Variants in ABCA12 observed in about 807,000 individuals in gnomAD.
ABCA12 encodes glucosylceramide transporter ABCA12.
Under a neutral mutation model 293.5 loss-of-function variants are expected in ABCA12, and 156 were observed. The ratio of observed to expected loss-of-function variants is 0.53; its 90% CI spans 0.47 to 0.61. The LOEUF (loss-of-function observed/expected upper bound fraction) is 0.61, where lower values mean the gene tolerates loss of function less well. ABCA12 is among the 20% of genes least tolerant of loss of function. ABCA12 has a pLI of 0.00. For synonymous variants in ABCA12, 1,063 were observed against 1,108.0 expected (o/e 0.96, Z 0.81); for missense variants, 2,797 against 3,090.2 (o/e 0.91, Z 2.25).
At chr2:215,035,367 C>T (rs1163079737) in intron 8 of ABCA12, among the ~76,000 whole-genome samples, 4 of 152,060 alleles carry the variant, frequency 2.6e-5, no homozygotes, top group Middle Eastern at 3.2e-3. Flanking sequence ...CATCCAATGA[C>T]GTGTTTTAAG....
intron 17 of ABCA12, 97 bp from the exon 18 acceptor site, chr2:215,010,567 A>T: frequency 7.5e-7 from 1 of 1,342,200 alleles, no homozygotes; most frequent in East Asian, 2.5e-5. Flanking sequence ...CACACCCAAA[A>T]ATACATGCTC....
At chr2:215,106,952 G>A (rs1190183566) in intron 2 of ABCA12, among the ~76,000 whole-genome samples, 1 of 152,164 alleles carries the variant, frequency 6.6e-6, no homozygotes. Flanking sequence ...TCCGCAGAGG[G>A]CCCAGGAGTG....
chr2:214,953,896 G>A lies in ABCA12; in HGVS notation c.6605C>T (p.Ser2202Phe). The change falls in exon 44 of 53, where the codon TCC becomes TTC. Residue 2202 changes from serine (S) to phenylalanine (F), a missense_variant. By Grantham distance (155) the Ser-to-Phe change is radical. Transcript: ENST00000272895. ...ALVSQGTMFFSLRLLINESLI... is the reference protein window; with the variant it reads ...ALVSQGTMFFFLRLLINESLI... ...GGATTCGTTGATTAAGAGTCGCAAG[G>A]AAAAAAACATGGTGCCCTGAGAAAC... 1 of 1,613,750 alleles carries A rather than the reference G, an allele frequency of 6.2e-7. No individual in the cohort carries two copies. The highest frequency in any genetic ancestry group is 8.5e-7 in the Non-Finnish European group (1 of 1,179,902).
intron 1 of ABCA12, among the ~76,000 whole-genome samples, chr2:215,120,797 C>A (rs1170509933): frequency 6.6e-6 from 1 of 152,138 alleles, no homozygotes; most frequent in Non-Finnish European, 1.5e-5. Flanking sequence ...AAGGTGAAAT[C>A]TTTCTTCCCG....
intron 1 of ABCA12, among the ~76,000 whole-genome samples, chr2:215,135,852 C>T (rs572171671): frequency 9.9e-5 from 15 of 152,280 alleles, no homozygotes; most frequent in African/African-American, 2.4e-4. Context: ...CCTTCCCACA[C>T]GTGTCTTCAA....
intron 1 of ABCA12, among the ~76,000 whole-genome samples, chr2:215,124,529 G>T (rs111380593): frequency 0.082 from 12,449 of 152,060 alleles, 1,156 homozygotes; most frequent in African/African-American, 0.23. Context: ...CATTGTGGTT[G>T]TGATTTGCAT....
intron 37 of ABCA12, among the ~76,000 whole-genome samples, 185 bp downstream of exon 37, chr2:214,970,088 T>C (rs1699352756): frequency 6.6e-6 from 1 of 152,094 alleles, no homozygotes; most frequent in Admixed American, 6.6e-5. Context: ...GGTTTTCCAT[T>C]TGCTCAAATA....
chr2:215,113,539 C>T (rs980285649), intron 1 of ABCA12, among the ~76,000 whole-genome samples: 1 of 152,132 alleles, frequency 6.6e-6, no homozygotes, highest in African/African-American at 2.4e-5. Flanking sequence ...GATGCTGATG[C>T]AGCTGGTCCA....
chr2:215,086,494 T>C (rs1335499077), intron 2 of ABCA12, among the ~76,000 whole-genome samples: 1 of 152,154 alleles, frequency 6.6e-6, no homozygotes, highest in African/African-American at 2.4e-5. Context: ...AAATGAAAAG[T>C]AGTCAGTTAA....
intron 3 of ABCA12, among the ~76,000 whole-genome samples, chr2:215,063,476 T>A (rs10932588): frequency 1.3e-5 from 2 of 152,090 alleles, no homozygotes; most frequent in South Asian, 4.1e-4. Context: ...AAGTTGTAAA[T>A]GGTCAGGTTG....
chr2:214,956,992 A>G (rs1319935883), intron 41 of ABCA12, among the ~76,000 whole-genome samples: 3 of 152,212 alleles, frequency 2.0e-5, no homozygotes, highest in East Asian at 3.8e-4. Context: ...GGTTAAGCCA[A>G]TCTCCATCTT....
Position 214,954,213 on chromosome 2 carries a change from A to T in ABCA12, c.6394-106T>A, listed in dbSNP as rs1351193938. On this transcript the variant is annotated intron_variant, in intron 43 of 52. Transcript: ENST00000272895. ...ACAAATAGTGAAACCTAAAAAGCTT[A>T]TCTAGATTGGCAATTATTTCCCATA... 7.3e-6 allele frequency: 9 copies of T among 1,237,140 alleles called. No individual in the cohort carries two copies. In the Admixed American group the frequency reaches 1.5e-4, roughly 21 times the overall value. 76.6% of individuals were successfully genotyped at this position (1,237,140 alleles called of 1,614,324 possible). A position where few individuals can be genotyped will look rare whatever the true frequency, so the allele number is the denominator to read the frequency against.
Position 215,047,511 on chromosome 2 carries a change from T to C in ABCA12, c.694-1496A>G, listed in dbSNP as rs118105344. Among the ~76,000 whole-genome samples, 180 of 151,830 alleles carry C rather than the reference T, an allele frequency of 1.2e-3. 1 individual carries two copies. The East Asian group carries it at 0.016, about 13-fold the overall frequency. On this transcript the variant is annotated intron_variant, in intron 6 of 52. Transcript: ENST00000272895. The stretch of plus-strand genomic sequence containing the variant: ...ACAACCATCTGATCTTCAACAGAGG[T>C]GACAAAAACAAGCCATGGGGAAAGA...
intron 23 of ABCA12, among the ~76,000 whole-genome samples, chr2:214,997,093 A>T (rs1980845): frequency 0.36 from 54,944 of 152,050 alleles, 12,371 homozygotes; most frequent in Non-Finnish European, 0.5. Flanking sequence ...GCCCAGAAAG[A>T]GGTCATGCAT....
At position 215,138,264 on chromosome 2, in the gene ABCA12, A is replaced by C. The variant is rs1317464938; in HGVS notation, c.-56T>G. ...CTTCTTTTCTCCACTCCACAAATGA[A>C]GAACTGATGCCCCGTCCAACTTGCT... On this transcript the variant is annotated 5_prime_UTR_variant, in exon 1 of 53. Transcript: ENST00000272895. 1 of 1,578,496 alleles carries C rather than the reference A, an allele frequency of 6.3e-7. No individual in the cohort carries two copies. The highest frequency in any genetic ancestry group is 1.3e-5 in the African/African-American group (1 of 74,150).
In ABCA12 at chr2:215,093,949, T is replaced by C. The variant is rs575430842; in HGVS notation, c.163+17648A>G. On this transcript the variant is annotated intron_variant, in intron 2 of 52. Coordinates refer to ENST00000272895, the MANE Select transcript of ABCA12 (RefSeq NM_173076.3). ...ACCCTGATCACACTTGGTTTATTGA[T>C]GGCAGTTCCACCAGGCCTAATAGCT... Among the ~76,000 whole-genome samples the C allele has an allele frequency of 5.9e-5, 9 of 152,296 alleles. No homozygotes were observed. In the East Asian group the frequency reaches 1.7e-3, roughly 29 times the overall value.
chr2:215,065,283 T>C (rs1417197816), intron 2 of ABCA12, among the ~76,000 whole-genome samples: 2 of 60,290 alleles, frequency 3.3e-5, no homozygotes, highest in Non-Finnish European at 6.1e-5. Flanking sequence ...AACTTTAATC[T>C]CCGCATGAAT....
intron 37 of ABCA12, among the ~76,000 whole-genome samples, chr2:214,970,058 T>G (rs939259945): frequency 2.6e-5 from 4 of 152,128 alleles, no homozygotes; most frequent in African/African-American, 9.6e-5. Flanking sequence ...AGTACATTTT[T>G]GAGGCCTAAT....
chr2:214,939,613 A>ATTTG (rs1442305483), intron 50 of ABCA12, among the ~76,000 whole-genome samples: 1 of 152,054 alleles, frequency 6.6e-6, no homozygotes, highest in African/African-American at 2.4e-5. Context: ...ATGTTTTTCC[A>ATTTG]TTTGTTTGTG....
Sources: gnomAD v4.1 joint callset for allele counts (sites outside exome capture counted in the v4.1 genomes callset) on GRCh38, gnomAD v4.1.1 for gene constraint, MANE v1.5 for transcripts, NCBI Gene and HGNC (gene_info 2026-07-23, HGNC 2026-07-21) for gene names.